Variants in JARID2 observed in about 807,000 individuals in gnomAD.
JARID2 encodes protein Jumonji.
In JARID2, 21 loss-of-function variants were observed where a neutral mutation model predicts 125.6. That is an observed-to-expected ratio of 0.17 (90% CI 0.12 to 0.24). The LOEUF (loss-of-function observed/expected upper bound fraction) is 0.24. Among genes scored for constraint, JARID2 ranks in the 10% least tolerant of loss-of-function variants. JARID2 has a pLI of 1.00. For missense variants in JARID2, 1,303 were observed against 1,639.6 expected (o/e 0.79, Z 3.55); for synonymous variants, 736 against 661.6 (o/e 1.11, Z -1.73).
intron 1 of JARID2, among the ~76,000 whole-genome samples, chr6:15,372,507 GCA>G (rs1764208462): frequency 1.3e-5 from 2 of 152,092 alleles, no homozygotes; most frequent in South Asian, 4.2e-4. Context: ...CTACAGGCGT[GCA>G]CCACCACGCT....
chr6:15,498,202 A>G (rs748484941), intron 7 of JARID2, among the ~76,000 whole-genome samples: 18 of 151,880 alleles, frequency 1.2e-4, no homozygotes, highest in Non-Finnish European at 2.5e-4. Context: ...TTCTCTGGCG[A>G]TTTTGTCAAG....
At chr6:15,366,963 T>TA (rs57893770) in intron 1 of JARID2, among the ~76,000 whole-genome samples, 5,581 of 151,358 alleles carry the variant, frequency 0.037, 346 homozygotes, top group African/African-American at 0.13. Flanking sequence ...GAGATATGGT[T>TA]AAAAAAAAAG....
chr6:15,511,178 CG>C (rs1464883974), intron 12 of JARID2, 117 bp from the exon 13 acceptor site: 14 of 725,252 alleles, frequency 1.9e-5, no homozygotes, highest in Non-Finnish European at 3.2e-5. Context: ...CCATCCCTGC[CG>C]GCGTGGAGCA....
chr6:15,316,346 G>A (rs566711930), intron 1 of JARID2, among the ~76,000 whole-genome samples: 11 of 152,200 alleles, frequency 7.2e-5, no homozygotes, highest in East Asian at 1.9e-4. Context: ...AAGTGTTGGC[G>A]TTACGGACAT....
intron 7 of JARID2, among the ~76,000 whole-genome samples, chr6:15,499,719 G>T (rs757711512): frequency 1.3e-5 from 2 of 152,098 alleles, no homozygotes; most frequent in Non-Finnish European, 2.9e-5. Context: ...TCCTGTCGAG[G>T]CTGGGGACAG....
intron 3 of JARID2, among the ~76,000 whole-genome samples, chr6:15,419,730 T>C (rs11965505): frequency 0.031 from 4,723 of 152,278 alleles, 238 homozygotes; most frequent in African/African-American, 0.11. Context: ...TGTGCATCAT[T>C]TCTGATGAGA....
At chr6:15,508,991 T>C (rs1466529621) in intron 12 of JARID2, 1 of 1,289,340 alleles carries the variant, frequency 7.8e-7, no homozygotes, top group Non-Finnish European at 1.0e-6. Context: ...TGTTTCCTCA[T>C]CTATCGGTGG....
chr6:15,412,283 A>C (rs1292014533), intron 3 of JARID2, among the ~76,000 whole-genome samples: 1 of 152,058 alleles, frequency 6.6e-6, no homozygotes, highest in Non-Finnish European at 1.5e-5. Context: ...TCAAATGTGT[A>C]GTGTCATTAG....
At chr6:15,502,343 T>A (rs949314826) in intron 8 of JARID2, among the ~76,000 whole-genome samples, 4 of 152,234 alleles carry the variant, frequency 2.6e-5, no homozygotes, top group Non-Finnish European at 5.9e-5. Context: ...CTCAGCTAAG[T>A]TGAAGTCTCT....
chr6:15,463,043 C>A (rs955597742), intron 4 of JARID2, among the ~76,000 whole-genome samples: 3 of 152,130 alleles, frequency 2.0e-5, no homozygotes, highest in Non-Finnish European at 4.4e-5. Context: ...AGATGCATTC[C>A]GTACTCTGAT....
chr6:15,452,870 T>C (rs1016528833), intron 4 of JARID2, among the ~76,000 whole-genome samples: 3 of 152,164 alleles, frequency 2.0e-5, no homozygotes, highest in Admixed American at 1.3e-4. Context: ...TGATAGAAAA[T>C]TTAGGAAGTC....
At chr6:15,400,643 A>C (rs1401016092) in intron 2 of JARID2, among the ~76,000 whole-genome samples, 1 of 133,814 alleles carries the variant, frequency 7.5e-6, no homozygotes, top group African/African-American at 2.8e-5. Flanking sequence ...AAAGCTAGTG[A>C]CTCTTTTCCT....
intron 1 of JARID2, among the ~76,000 whole-genome samples, chr6:15,355,617 C>CTT (rs201247568): frequency 4.9e-5 from 7 of 144,196 alleles, no homozygotes; most frequent in South Asian, 2.2e-4. Context: ...CTTCCTCTTG[C>CTT]TTTTTTTTTT....
At chr6:15,515,229 T>TG (rs1379100749) in intron 16 of JARID2, among the ~76,000 whole-genome samples, 1 of 151,676 alleles carries the variant, frequency 6.6e-6, no homozygotes, top group East Asian at 1.9e-4. Flanking sequence ...GTGGTAGAGA[T>TG]GGGGTTTTGC....
chr6:15,366,731 G>A (rs895743513), intron 1 of JARID2, among the ~76,000 whole-genome samples: 3 of 152,066 alleles, frequency 2.0e-5, no homozygotes, highest in African/African-American at 7.2e-5. Flanking sequence ...TTGATGTCCT[G>A]TGCCCCTGCC....
intron 3 of JARID2, among the ~76,000 whole-genome samples, chr6:15,421,425 G>C (rs972763786): frequency 6.7e-5 from 10 of 148,922 alleles, no homozygotes; most frequent in African/African-American, 2.2e-4. Context: ...AAAAAAAAAA[G>C]GTGAACAGCG....
At chr6:15,256,390 G>T (rs1759667018) in intron 1 of JARID2, among the ~76,000 whole-genome samples, 1 of 152,238 alleles carries the variant, frequency 6.6e-6, no homozygotes. Context: ...GAATTGGAAA[G>T]AGGGATAGAT....
At chr6:15,281,924 C>CTGTGTGTGTGTGTGTGTG (rs3138771) in intron 1 of JARID2, among the ~76,000 whole-genome samples, 3 of 146,162 alleles carry the variant, frequency 2.1e-5, no homozygotes, top group African/African-American at 7.6e-5. Flanking sequence ...GGTATGTGCT[C>CTGTGTGTGTGTGTGTGTG]TGTGTGTGTG....
chr6:15,398,773 A>G (rs561448367), intron 2 of JARID2, among the ~76,000 whole-genome samples: 1 of 152,336 alleles, frequency 6.6e-6, no homozygotes, highest in East Asian at 1.9e-4. Flanking sequence ...ATAGTGTTTT[A>G]TTAGTGCTGA....
Sources: gnomAD v4.1 joint callset for allele counts (sites outside exome capture counted in the v4.1 genomes callset) on GRCh38, gnomAD v4.1.1 for gene constraint, MANE v1.5 for transcripts, NCBI Gene and HGNC (gene_info 2026-07-23, HGNC 2026-07-21) for gene names.